The following AFG2A variants were observed in gnomAD, a reference collection of about 807,000 sequenced individuals.
AFG2A encodes the protein AAA ATPase AFG2A, also known as ATPase family gene 2 protein homolog A.
At chr4:123,223,368 C>T in the AFG2A span, among the ~76,000 whole-genome samples, 1 of 151,964 alleles carries the variant, frequency 6.6e-6, no homozygotes, top group African/African-American at 2.4e-5. Flanking sequence ...ACTCCTTAGC[C>T]CATTTTTAAT....
At chr4:123,277,215 A>G in the AFG2A span, among the ~76,000 whole-genome samples, 1 of 152,124 alleles carries the variant, frequency 6.6e-6, no homozygotes, top group African/African-American at 2.4e-5. Context: ...CCATATTCTT[A>G]GGCATATTTT....
the AFG2A span, among the ~76,000 whole-genome samples, chr4:123,169,667 G>T: frequency 6.6e-6 from 1 of 152,024 alleles, no homozygotes; most frequent in African/African-American, 2.4e-5. Context: ...TTTTAATAGA[G>T]ACGGGGTTTC....
At chr4:123,012,156 T>G in the AFG2A span, among the ~76,000 whole-genome samples, 31 of 72,930 alleles carry the variant, frequency 4.3e-4, no homozygotes, top group Admixed American at 5.3e-4. Context: ...CCCAGGAAAG[T>G]GGAGAAGGGG....
At chr4:123,189,809 C>CTTTTTTTTTTTTTTTTTT in the AFG2A span, among the ~76,000 whole-genome samples, 4 of 61,768 alleles carry the variant, frequency 6.5e-5, 1 homozygote, top group African/African-American at 2.7e-4. Flanking sequence ...AGGTCATTTG[C>CTTTTTTTTTTTTTTTTTT]TTTTTTTTTT....
chr4:123,027,117 G>A, the AFG2A span, among the ~76,000 whole-genome samples: 1 of 151,890 alleles, frequency 6.6e-6, no homozygotes, highest in African/African-American at 2.4e-5. Flanking sequence ...CTAGCTCAAG[G>A]TGTGTTTTTT....
the AFG2A span, among the ~76,000 whole-genome samples, chr4:123,309,721 G>C: frequency 6.6e-6 from 1 of 152,112 alleles, no homozygotes; most frequent in Non-Finnish European, 1.5e-5. Flanking sequence ...CAAAGGAAAT[G>C]CTCATTGGAG....
chr4:122,929,671 C>G, the AFG2A span, among the ~76,000 whole-genome samples: 1 of 151,358 alleles, frequency 6.6e-6, no homozygotes, highest in Non-Finnish European at 1.5e-5. Context: ...TGCACTCCAG[C>G]CTGGGTGACA....
chr4:123,183,874 C>T, the AFG2A span, among the ~76,000 whole-genome samples: 19 of 152,178 alleles, frequency 1.2e-4, no homozygotes, highest in Non-Finnish European at 2.8e-4. Context: ...ATCCTCCCAC[C>T]CCAGCCTCCT....
the AFG2A span, chr4:122,927,554 A>G: frequency 3.5e-6 from 5 of 1,418,274 alleles, no homozygotes; most frequent in Admixed American, 2.1e-5. Context: ...TGGTTAGAGT[A>G]TTTTTATTTA....
chr4:123,118,331 T>TTATATATA, the AFG2A span, among the ~76,000 whole-genome samples: 1 of 11,970 alleles, frequency 8.4e-5, no homozygotes, highest in African/African-American at 1.6e-4. Flanking sequence ...TTATATATAA[T>TTATATATA]ATATATATTA....
the AFG2A span, among the ~76,000 whole-genome samples, chr4:123,007,604 G>GT: frequency 4.8e-4 from 6 of 12,510 alleles, no homozygotes; most frequent in African/African-American, 1.6e-3. Context: ...GTGTGTGTGT[G>GT]TGTGTATATA....
the AFG2A span, among the ~76,000 whole-genome samples, chr4:123,141,071 T>C: frequency 6.6e-6 from 1 of 152,214 alleles, no homozygotes; most frequent in Non-Finnish European, 1.5e-5. Flanking sequence ...GTCCACAGCA[T>C]ATTTTTACCA....
At chr4:122,967,203 G>A in the AFG2A span, among the ~76,000 whole-genome samples, 37 of 152,098 alleles carry the variant, frequency 2.4e-4, no homozygotes, top group African/African-American at 5.8e-4. Flanking sequence ...AGGAGTTTGA[G>A]ACCAGCCTGG....
the AFG2A span, among the ~76,000 whole-genome samples, chr4:123,062,177 T>C: frequency 6.6e-6 from 1 of 152,240 alleles, no homozygotes; most frequent in South Asian, 2.1e-4. Context: ...ATGTGTTTAG[T>C]GTATACCTCC....
the AFG2A span, among the ~76,000 whole-genome samples, chr4:123,224,317 C>T: frequency 2.0e-4 from 30 of 151,980 alleles, no homozygotes; most frequent in East Asian, 5.8e-4. Flanking sequence ...CCCATTAACT[C>T]GTCATTTAAT....
At chr4:123,071,924 A>T in the AFG2A span, among the ~76,000 whole-genome samples, 1 of 152,216 alleles carries the variant, frequency 6.6e-6, no homozygotes, top group African/African-American at 2.4e-5. Flanking sequence ...TCTTCAGTAC[A>T]GCTTCCTTTC....
the AFG2A span, among the ~76,000 whole-genome samples, chr4:122,936,309 TATCTA>T: frequency 6.6e-6 from 1 of 152,252 alleles, no homozygotes; most frequent in Non-Finnish European, 1.5e-5. Context: ...ATTCTATTTC[TATCTA>T]ATCTTTAAAA....
the AFG2A span, among the ~76,000 whole-genome samples, chr4:122,981,904 G>C: frequency 6.6e-6 from 1 of 150,758 alleles, no homozygotes; most frequent in African/African-American, 2.4e-5. Context: ...TTTTTTTTTG[G>C]TGGAATATTT....
the AFG2A span, among the ~76,000 whole-genome samples, chr4:123,131,091 A>G: frequency 6.6e-6 from 1 of 152,028 alleles, no homozygotes; most frequent in Non-Finnish European, 1.5e-5. Context: ...CTTTGGATCA[A>G]TTTTTACCCT....
Sources: gnomAD v4.1 joint callset for allele counts (sites outside exome capture counted in the v4.1 genomes callset) on GRCh38, gnomAD v4.1.1 for gene constraint, MANE v1.5 for transcripts, NCBI Gene and HGNC (gene_info 2026-07-23, HGNC 2026-07-21) for gene names.